RAB6B: variants seen among roughly 807,000 people sequenced by gnomAD.
RAB6B encodes the protein RAB6B, member RAS oncogene family.
In RAB6B, 7 loss-of-function variants were observed where a neutral mutation model predicts 31.2. The observed-to-expected ratio is 0.22, with a 90% confidence interval of 0.13 to 0.42. The LOEUF (loss-of-function observed/expected upper bound fraction) is 0.42. RAB6B is among the 10% of genes least tolerant of loss of function. The probability of loss-of-function intolerance (pLI) is 1.00; values close to 1 mark genes in which losing one functional copy is unlikely to be tolerated. For synonymous variants in RAB6B, 105 were observed against 104.9 expected (o/e 1.00, Z -0.01); for missense variants, 149 against 280.6 (o/e 0.53, Z 3.35).
intron 7 of RAB6B, among the ~76,000 whole-genome samples, chr3:133,829,659 CTG>C (rs1311010559): frequency 6.6e-6 from 1 of 152,188 alleles, no homozygotes; most frequent in African/African-American, 2.4e-5. Context: ...ATAAGAAACA[CTG>C]TTTTGGAACT....
At chr3:133,877,915 C>A (rs923874773) in intron 1 of RAB6B, among the ~76,000 whole-genome samples, 9 of 151,784 alleles carry the variant, frequency 5.9e-5, no homozygotes, top group Admixed American at 5.3e-4. Flanking sequence ...GTAACAACTA[C>A]ACTGGCTGAC....
chr3:133,833,835 G>A (rs574376097), intron 7 of RAB6B, among the ~76,000 whole-genome samples: 80 of 152,320 alleles, frequency 5.3e-4, no homozygotes, highest in African/African-American at 1.8e-3. Flanking sequence ...TGCAGGGGAG[G>A]CCCAGGTGTG....
intron 2 of RAB6B, among the ~76,000 whole-genome samples, chr3:133,850,931 C>T (rs543886420): frequency 5.3e-5 from 8 of 149,762 alleles, no homozygotes; most frequent in African/African-American, 1.2e-4. Context: ...ACACACCTCA[C>T]GCAAGGAAAT....
chr3:133,830,153 C>T (rs1269287556), intron 7 of RAB6B, among the ~76,000 whole-genome samples: 1 of 152,256 alleles, frequency 6.6e-6, no homozygotes, highest in Admixed American at 6.5e-5. Context: ...TCTCTGCCAG[C>T]TGCAGTTCTA....
At chr3:133,848,488 G>A (rs1935935585) in intron 2 of RAB6B, among the ~76,000 whole-genome samples, 2 of 152,212 alleles carry the variant, frequency 1.3e-5, no homozygotes, top group South Asian at 2.1e-4. Context: ...TGCTGTAACA[G>A]AATCACAGAC....
intron 1 of RAB6B, among the ~76,000 whole-genome samples, chr3:133,890,247 T>C (rs556965544): frequency 6.6e-6 from 1 of 152,266 alleles, no homozygotes; most frequent in South Asian, 2.1e-4. Flanking sequence ...AGACTAGGAA[T>C]GAGGAAGTGC....
At chr3:133,853,275 A>C (rs1194735701) in intron 2 of RAB6B, among the ~76,000 whole-genome samples, 3 of 152,076 alleles carry the variant, frequency 2.0e-5, no homozygotes, top group South Asian at 4.2e-4. Context: ...GGGGATACAC[A>C]TGTGTATGTA....
chr3:133,874,546 G>A (rs1198616805), intron 1 of RAB6B, among the ~76,000 whole-genome samples: 3 of 152,158 alleles, frequency 2.0e-5, no homozygotes, highest in Non-Finnish European at 4.4e-5. Context: ...GTCAGTGAGT[G>A]GTGAGTAAAT....
At chr3:133,857,811 G>A (rs1324068624) in intron 2 of RAB6B, among the ~76,000 whole-genome samples, 1 of 152,108 alleles carries the variant, frequency 6.6e-6, no homozygotes, top group African/African-American at 2.4e-5. Flanking sequence ...AGAAACCTGG[G>A]GCGCATTCAG....
At chr3:133,841,867 T>C (rs1202318493) in intron 2 of RAB6B, among the ~76,000 whole-genome samples, 3 of 152,108 alleles carry the variant, frequency 2.0e-5, no homozygotes, top group Admixed American at 1.3e-4. Flanking sequence ...AAGATGAGGG[T>C]GGCCTTTATA....
chr3:133,870,977 C>T (rs754079633), intron 1 of RAB6B, among the ~76,000 whole-genome samples: 54 of 152,334 alleles, frequency 3.5e-4, no homozygotes, highest in Admixed American at 2.1e-3. Context: ...CTGGACCTCA[C>T]CAACAGGGGC....
At chr3:133,852,679 A>G (rs913854144) in intron 2 of RAB6B, among the ~76,000 whole-genome samples, 2 of 141,844 alleles carry the variant, frequency 1.4e-5, no homozygotes, top group Non-Finnish European at 3.3e-5. Flanking sequence ...GGATCTCACC[A>G]TGTTGCCCAG....
At chr3:133,845,013 C>T (rs180884210) in intron 2 of RAB6B, among the ~76,000 whole-genome samples, 45 of 151,692 alleles carry the variant, frequency 3.0e-4, no homozygotes, top group African/African-American at 1.1e-3. Context: ...GCAGATTCTA[C>T]ATTAAATCAA....
chr3:133,837,174 G>A (rs563140062), intron 6 of RAB6B, among the ~76,000 whole-genome samples: 123 of 152,176 alleles, frequency 8.1e-4, no homozygotes, highest in Non-Finnish European at 8.7e-4. Flanking sequence ...CATCCCCAAC[G>A]GCAGGAGTTC....
At chr3:133,849,898 T>C (rs939785981) in intron 2 of RAB6B, among the ~76,000 whole-genome samples, 5 of 152,198 alleles carry the variant, frequency 3.3e-5, no homozygotes, top group African/African-American at 9.7e-5. Flanking sequence ...TGGGCCTCAG[T>C]TACCAGAAAA....
chr3:133,894,553 G>A (rs1936681263), intron 1 of RAB6B: 1 of 152,306 alleles, frequency 6.6e-6, no homozygotes, highest in Non-Finnish European at 1.5e-5. Context: ...CTCTCTGGAG[G>A]AGTGCTGGGA....
intron 2 of RAB6B, among the ~76,000 whole-genome samples, chr3:133,855,302 G>C (rs968239968): frequency 3.9e-5 from 6 of 152,242 alleles, no homozygotes; most frequent in Non-Finnish European, 8.8e-5. Context: ...CTGGGGGAGG[G>C]GATGTTGGCT....
chr3:133,841,067 G>A (rs1018474977), intron 4 of RAB6B, among the ~76,000 whole-genome samples: 1 of 152,190 alleles, frequency 6.6e-6, no homozygotes, highest in African/African-American at 2.4e-5. Flanking sequence ...ATAAACCCCT[G>A]TCGGTTGCAG....
chr3:133,866,556 G>C (rs1936239434), intron 1 of RAB6B, among the ~76,000 whole-genome samples: 2 of 152,230 alleles, frequency 1.3e-5, no homozygotes, highest in African/African-American at 4.8e-5. Context: ...ATGTGCCCAA[G>C]ATCTCTTCTA....
Sources: allele counts gnomAD v4.1 joint callset (sites outside exome capture counted in the v4.1 genomes callset), GRCh38; gene constraint gnomAD v4.1.1; transcripts MANE v1.5; gene names NCBI Gene and HGNC (gene_info 2026-07-23, HGNC 2026-07-21).